HTR1F: variants seen among roughly 807,000 people sequenced by gnomAD.
HTR1F encodes the protein 5-hydroxytryptamine receptor 1F, also known as 5-hydroxytryptamine (serotonin) receptor 1F, G protein-coupled.
Under a neutral mutation model 24.0 loss-of-function variants are expected in HTR1F, and 17 were observed. The ratio of observed to expected loss-of-function variants is 0.71; its 90% CI spans 0.48 to 1.06. The LOEUF is 1.06. HTR1F is among the 50% of genes least tolerant of loss of function. HTR1F has a pLI of 0.00. For missense variants in HTR1F, 391 were observed against 427.8 expected (o/e 0.91, Z 0.76); for synonymous variants, 186 against 156.8 (o/e 1.19, Z -1.39).
chr3:87,978,940 G>T (rs1412782095), intron 2 of HTR1F, among the ~76,000 whole-genome samples: 2 of 115,126 alleles, frequency 1.7e-5, no homozygotes, highest in African/African-American at 6.4e-5. Context: ...AAGGAAAAGA[G>T]AGAGATGGGA....
Position 87,991,155 on chromosome 3 carries a change from A to G in HTR1F, c.406A>G (p.Thr136Ala). The change falls in exon 3 of 3, where the codon ACT becomes GCT. Residue 136 changes from threonine (T) to alanine (A), a missense_variant. Transcript: ENST00000319595. Reference sequence around the variant, plus strand: ...TGCTGTTGAGTATGCCAGGAAAAGGACTCCAAAGCATGCTGGCATTATGAT... The same window carrying G: ...TGCTGTTGAGTATGCCAGGAAAAGGGCTCCAAAGCATGCTGGCATTATGAT... ...TDAVEYARKR[T>A]PKHAGIMITI... is the part of the protein sequence containing the mutation. 1 of 1,613,944 alleles carries G rather than the reference A, an allele frequency of 6.2e-7. No individual in the cohort carries two copies. The highest frequency in any genetic ancestry group is 1.7e-5 in the Admixed American group (1 of 59,986).
At chr3:87,836,415 T>C (rs1272605929) in intron 2 of HTR1F, among the ~76,000 whole-genome samples, 1 of 152,194 alleles carries the variant, frequency 6.6e-6, no homozygotes, top group African/African-American at 2.4e-5. Flanking sequence ...TCTCAGAAGA[T>C]TTTTTGTTTC....
chr3:87,972,419 C>A (rs2107498044), intron 2 of HTR1F, among the ~76,000 whole-genome samples: 1 of 152,236 alleles, frequency 6.6e-6, no homozygotes, highest in South Asian at 2.1e-4. Flanking sequence ...ATTTCTTCAT[C>A]TTTTATTCAT....
chr3:87,967,183 C>T (rs1380700665), intron 2 of HTR1F, among the ~76,000 whole-genome samples: 1 of 152,184 alleles, frequency 6.6e-6, no homozygotes, highest in Non-Finnish European at 1.5e-5. Context: ...GGCACAGTGG[C>T]TCACATCTGT....
At chr3:87,799,158 T>G (rs1703954874) in intron 1 of HTR1F, among the ~76,000 whole-genome samples, 1 of 152,210 alleles carries the variant, frequency 6.6e-6, no homozygotes, top group African/African-American at 2.4e-5. Context: ...CCAGGCTTTC[T>G]TATAAAAAAA....
chr3:87,906,711 G>C (rs1031168672), intron 2 of HTR1F, among the ~76,000 whole-genome samples: 1 of 150,812 alleles, frequency 6.6e-6, no homozygotes, highest in Admixed American at 6.6e-5. Context: ...ATTCCCCCGG[G>C]TCCCCAAAGT....
At chr3:87,881,486 CCA>C (rs1047812418) in intron 2 of HTR1F, among the ~76,000 whole-genome samples, 1 of 152,122 alleles carries the variant, frequency 6.6e-6, no homozygotes, top group Non-Finnish European at 1.5e-5. Context: ...TCTGTTGACT[CCA>C]CCTCTGGGGG....
At chr3:87,825,522 G>A (rs747602860) in intron 2 of HTR1F, among the ~76,000 whole-genome samples, 22 of 152,110 alleles carry the variant, frequency 1.4e-4, no homozygotes, top group Non-Finnish European at 3.1e-4. Context: ...TGCCAGAAGA[G>A]TCATTCCTTA....
At chr3:87,976,771 T>A (rs1705404546) in intron 2 of HTR1F, among the ~76,000 whole-genome samples, 1 of 152,230 alleles carries the variant, frequency 6.6e-6, no homozygotes, top group Non-Finnish European at 1.5e-5. Flanking sequence ...TTTCATATCT[T>A]GCACGTAGTT....
chr3:87,890,102 T>C (rs146601017), intron 2 of HTR1F, among the ~76,000 whole-genome samples: 64 of 152,326 alleles, frequency 4.2e-4, no homozygotes, highest in African/African-American at 1.5e-3. Context: ...GGTAAATGTA[T>C]ATAATACCTA....
At chr3:87,916,758 C>A (rs1414720035) in intron 2 of HTR1F, among the ~76,000 whole-genome samples, 3 of 151,488 alleles carry the variant, frequency 2.0e-5, no homozygotes, top group Non-Finnish European at 4.4e-5. Flanking sequence ...AATGAGATAG[C>A]AGCACAATAA....
At chr3:87,987,115 A>C (rs1705679039) in intron 2 of HTR1F, among the ~76,000 whole-genome samples, 1 of 94,690 alleles carries the variant, frequency 1.1e-5, no homozygotes, top group South Asian at 4.7e-4. Context: ...CAAAAAAATA[A>C]AATAAAAATA....
chr3:87,948,463 G>A (rs1704760885), intron 2 of HTR1F, among the ~76,000 whole-genome samples: 1 of 151,782 alleles, frequency 6.6e-6, no homozygotes, highest in African/African-American at 2.4e-5. Flanking sequence ...CAATTCTCCT[G>A]GCAGCTAGAA....
chr3:87,876,330 A>G (rs1413345247), intron 2 of HTR1F, among the ~76,000 whole-genome samples: 1 of 152,220 alleles, frequency 6.6e-6, no homozygotes, highest in Non-Finnish European at 1.5e-5. Context: ...CATTATTCAC[A>G]ATAGCTAGGA....
intron 2 of HTR1F, among the ~76,000 whole-genome samples, chr3:87,925,412 G>A (rs1316129731): frequency 6.6e-6 from 1 of 152,088 alleles, no homozygotes; most frequent in East Asian, 1.9e-4. Flanking sequence ...AGCTGTACTG[G>A]ACCACTTCTT....
chr3:87,828,731 A>C (rs992475231), intron 2 of HTR1F, among the ~76,000 whole-genome samples: 1 of 152,228 alleles, frequency 6.6e-6, no homozygotes, highest in Non-Finnish European at 1.5e-5. Context: ...ATAGCAATAG[A>C]CATTCTAAGA....
intron 1 of HTR1F, among the ~76,000 whole-genome samples, chr3:87,809,097 T>G (rs1234230022): frequency 6.6e-6 from 1 of 151,852 alleles, no homozygotes; most frequent in Non-Finnish European, 1.5e-5. Context: ...CCATTTAATT[T>G]ACTTAATTCT....
rs554008842 is a variant in HTR1F, at chr3:87,853,547, T to C, written c.-43+31423T>C. Reference sequence around the variant, plus strand: ...AATGAACATTTGCCTGCATGTGTCTTCATAGTAGAACAATTCATATTCCTT... The same window carrying C: ...AATGAACATTTGCCTGCATGTGTCTCCATAGTAGAACAATTCATATTCCTT... On this transcript the variant is annotated intron_variant, in intron 2 of 2. Transcript: ENST00000319595. Among the ~76,000 whole-genome samples the C allele has an allele frequency of 6.6e-5, 10 of 152,290 alleles. No individual in the cohort carries two copies. The South Asian group carries it at 1.0e-3, about 16-fold the overall frequency.
At chr3:87,806,614 A>C in intron 1 of HTR1F, among the ~76,000 whole-genome samples, 1 of 152,000 alleles carries the variant, frequency 6.6e-6, no homozygotes, top group East Asian at 1.9e-4. Context: ...TTGTCTCTTC[A>C]CTCTGCTGAT....
Sources: gnomAD v4.1 joint callset for allele counts (sites outside exome capture counted in the v4.1 genomes callset) on GRCh38, gnomAD v4.1.1 for gene constraint, MANE v1.5 for transcripts, NCBI Gene and HGNC (gene_info 2026-07-23, HGNC 2026-07-21) for gene names.